Variants in CCDC50 observed in about 807,000 individuals in gnomAD.
CCDC50 encodes coiled-coil domain containing 50, also known as coiled-coil domain-containing protein 50.
In CCDC50, 54 loss-of-function variants were observed where a neutral mutation model predicts 70.2. That is an observed-to-expected ratio of 0.77 (90% CI 0.62 to 0.96). The LOEUF is 0.96. Ranked by LOEUF, CCDC50 falls within the 50% of genes least tolerant of loss-of-function variation. The pLI is 0.00. For synonymous variants in CCDC50, 216 were observed against 198.8 expected (o/e 1.09, Z -0.73); for missense variants, 558 against 578.7 (o/e 0.96, Z 0.37).
chr3:191,346,934 T>C (rs1198677204), intron 1 of CCDC50, among the ~76,000 whole-genome samples: 1 of 144,082 alleles, frequency 6.9e-6, no homozygotes, highest in Non-Finnish European at 1.6e-5. Flanking sequence ...TTTAGAAGTA[T>C]TTGAGGAAAC....
intron 3 of CCDC50, 144 bp from the exon 4 acceptor site, chr3:191,360,925 C>A: frequency 1.6e-6 from 1 of 628,632 alleles, no homozygotes; most frequent in Non-Finnish European, 2.9e-6. Flanking sequence ...CCGTGTCAGC[C>A]TCTTTGCATC....
chr3:191,369,978 C>T lies in CCDC50; in HGVS notation c.390C>T (p.His130=), dbSNP rs2108658785. Residue 130 remains histidine, a synonymous_variant, in exon 5 of 12, where the codon CAC becomes CAT. Transcript: ENST00000392455. ...AGGAAGAGAAAAAGAGAAAGAAACA[C>T]TTTCCAGAGTTCCCTGCAACCCGTG... The part of the protein sequence containing the change: ...ELQEEKKRKK[H]FPEFPATRAY... 6.2e-7 allele frequency: 1 copy of T among 1,613,582 alleles called. No homozygotes were observed. The highest frequency in any genetic ancestry group is 8.5e-7 in the Non-Finnish European group (1 of 1,179,648).
intron 2 of CCDC50, 133 bp downstream of exon 2, chr3:191,357,283 C>G (rs1418221591): frequency 1.3e-6 from 1 of 749,138 alleles, no homozygotes; most frequent in South Asian, 1.5e-5. Context: ...TGAAGGATTT[C>G]TTTAGGCAAA....
chr3:191,352,036 G>A (rs1342661530), intron 1 of CCDC50, among the ~76,000 whole-genome samples: 1 of 142,074 alleles, frequency 7.0e-6, no homozygotes, highest in Non-Finnish European at 1.6e-5. Context: ...GATACATTCT[G>A]TTTAAATCAC....
rs1349705223 is a variant in CCDC50, at chr3:191,382,763, A to G, written c.1260A>G (p.Ala420=). The G allele has an allele frequency of 1.2e-6, 2 of 1,612,500 alleles. No individual in the cohort carries two copies. Among genetic ancestry groups the G allele is most frequent in the Non-Finnish European group, 1.7e-6 (2 of 1,178,790 alleles). The change falls in exon 10 of 12, where the codon GCA becomes GCG. Residue 420 remains alanine, a synonymous_variant. Coordinates refer to ENST00000392455, the MANE Select transcript of CCDC50 (RefSeq NM_178335.3). ...DPEWKPKTAK[A]ANSKSKESDE... is the part of the protein sequence containing the mutation. The stretch of plus-strand genomic sequence containing the variant: ...GTCCATAGCCAAAAACAGCTAAAGC[A>G]GCAAATTCCAAGTCAAAAGAGAGTG...
At chr3:191,355,959 A>G (rs944582830) in intron 1 of CCDC50, among the ~76,000 whole-genome samples, 1 of 152,202 alleles carries the variant, frequency 6.6e-6, no homozygotes, top group Admixed American at 6.5e-5. Context: ...GTGAACATAC[A>G]TAAGTGCAAA....
At chr3:191,344,321 A>G (rs1576951075) in intron 1 of CCDC50, among the ~76,000 whole-genome samples, 1 of 152,190 alleles carries the variant, frequency 6.6e-6, no homozygotes. Flanking sequence ...GATGATGCAA[A>G]CGTTCTGTAT....
rs1713841325 is a variant in CCDC50, at chr3:191,395,765, A to T, written c.*4005A>T. 6.6e-6 allele frequency: 1 copy of T among 152,228 alleles called. No individual in the cohort carries two copies. Among genetic ancestry groups the T allele is most frequent in the African/African-American group, 2.4e-5 (1 of 41,460 alleles). The allele number at this position is 152,228 out of a possible 1,614,324, so 9.4% of individuals were successfully genotyped here. ...CCTCATGCTTCAGCAAAAAGGAAAA[A>T]AGATTTTTAAATTACTTTGTCTATT... is the stretch of plus-strand genomic sequence containing the variant. On this transcript the variant is annotated 3_prime_UTR_variant, in exon 12 of 12. Transcript: ENST00000392455.
At chr3:191,390,663 A>G (rs1414260914) in intron 11 of CCDC50, among the ~76,000 whole-genome samples, 1 of 152,150 alleles carries the variant, frequency 6.6e-6, no homozygotes, top group Non-Finnish European at 1.5e-5. Flanking sequence ...TATAGTTAGC[A>G]TATAATGAGC....
In CCDC50 at chr3:191,380,701, C is replaced by T; in HGVS notation, c.1107C>T (p.Asp369=). The part of the protein sequence containing the change: ...QEEELLATQV[D]MRAAQVAQDE... ...CGATATCATAGGCTACCCAGGTGGA[C>T]ATGAGAGCCGCTCAAGTAGCTCAAG... Residue 369 remains aspartate (D), a synonymous_variant, in exon 8 of 12, where the codon GAC becomes GAT. Coordinates refer to ENST00000392455, the MANE Select transcript of CCDC50 (RefSeq NM_178335.3). 1 of 1,612,608 alleles carries T rather than the reference C, an allele frequency of 6.2e-7. No individual in the cohort carries two copies. The highest frequency in any genetic ancestry group is 1.3e-5 in the African/African-American group (1 of 74,990).
At chr3:191,384,157 T>TC (rs1350671819) in intron 10 of CCDC50, among the ~76,000 whole-genome samples, 1 of 151,966 alleles carries the variant, frequency 6.6e-6, no homozygotes, top group Non-Finnish European at 1.5e-5. Flanking sequence ...GAGTGAATAA[T>TC]CAAATGATCC....
At chr3:191,372,789 T>C (rs1489110749) in intron 5 of CCDC50, among the ~76,000 whole-genome samples, 3 of 152,140 alleles carry the variant, frequency 2.0e-5, no homozygotes, top group African/African-American at 7.2e-5. Flanking sequence ...ATTGAAGTCA[T>C]ATTAGTGATT....
intron 4 of CCDC50, among the ~76,000 whole-genome samples, chr3:191,367,455 C>G (rs1712736331): frequency 6.6e-6 from 1 of 152,016 alleles, no homozygotes; most frequent in Non-Finnish European, 1.5e-5. Flanking sequence ...AATCTCTTTT[C>G]TCCGAATGTT....
intron 5 of CCDC50, among the ~76,000 whole-genome samples, chr3:191,370,739 T>C (rs751196143): frequency 6.6e-6 from 1 of 152,080 alleles, no homozygotes; most frequent in Admixed American, 6.6e-5. Flanking sequence ...TCCGCCCACA[T>C]CAGCCTCCCA....
At chr3:191,332,423 T>A (rs1056407107) in intron 1 of CCDC50, among the ~76,000 whole-genome samples, 5 of 152,152 alleles carry the variant, frequency 3.3e-5, no homozygotes, top group African/African-American at 1.2e-4. Context: ...CAACACATCA[T>A]TTTTTCTGGT....
intron 1 of CCDC50, among the ~76,000 whole-genome samples, chr3:191,350,757 A>AG (rs1560159239): frequency 7.0e-6 from 1 of 142,142 alleles, no homozygotes; most frequent in Non-Finnish European, 1.6e-5. Flanking sequence ...AGGTGAAAGA[A>AG]GGAGTTCTTG....
intron 11 of CCDC50, among the ~76,000 whole-genome samples, chr3:191,389,853 C>CTTTTTTTTTTTTTTTTT: frequency 1.2e-5 from 1 of 84,642 alleles, no homozygotes; most frequent in Non-Finnish European, 2.1e-5. Context: ...ATCAAATTCA[C>CTTTTTTTTTTTTTTTTT]TTTTTTTTTT....
intron 4 of CCDC50, among the ~76,000 whole-genome samples, chr3:191,365,954 G>A (rs1712673350): frequency 6.6e-6 from 1 of 152,134 alleles, no homozygotes; most frequent in South Asian, 2.1e-4. Context: ...GAAAGTTTCA[G>A]ATTTTGGAGG....
chr3:191,368,818 T>C (rs547473956), intron 4 of CCDC50, among the ~76,000 whole-genome samples: 240 of 152,272 alleles, frequency 1.6e-3, no homozygotes, highest in African/African-American at 5.0e-3. Context: ...AAGAATCTGA[T>C]GATAGCTATT....
Sources: gnomAD v4.1 joint callset for allele counts (sites outside exome capture counted in the v4.1 genomes callset) on GRCh38, gnomAD v4.1.1 for gene constraint, MANE v1.5 for transcripts, NCBI Gene and HGNC (gene_info 2026-07-23, HGNC 2026-07-21) for gene names.